ADAMTS9: variants seen among roughly 807,000 people sequenced by gnomAD.
ADAMTS9 encodes A disintegrin and metalloproteinase with thrombospondin motifs 9.
In ADAMTS9, 107 loss-of-function variants were observed where a neutral mutation model predicts 257.1. The observed-to-expected ratio is 0.42, with a 90% CI of 0.36 to 0.49. The LOEUF (loss-of-function observed/expected upper bound fraction) is 0.49. Ranked by LOEUF, ADAMTS9 falls within the 20% of genes least tolerant of loss-of-function variation. ADAMTS9 has a pLI of 0.03. For synonymous variants in ADAMTS9, 982 were observed against 880.9 expected (o/e 1.11, Z -2.03); for missense variants, 2,353 against 2,469.1 (o/e 0.95, Z 1.00).
At chr3:64,632,587 A>T (rs1156645686) in intron 14 of ADAMTS9, among the ~76,000 whole-genome samples, 1 of 152,246 alleles carries the variant, frequency 6.6e-6, no homozygotes, top group Admixed American at 6.5e-5. Flanking sequence ...GCAGCCATGT[A>T]CACTGAACTC....
intron 28 of ADAMTS9, among the ~76,000 whole-genome samples, chr3:64,593,747 T>C (rs2084304198): frequency 6.6e-6 from 1 of 152,142 alleles, no homozygotes; most frequent in African/African-American, 2.4e-5. Context: ...TTTTAAATGA[T>C]TTTAGTCTAT....
intron 14 of ADAMTS9, among the ~76,000 whole-genome samples, chr3:64,632,193 T>C (rs1410248789): frequency 6.6e-6 from 1 of 152,146 alleles, no homozygotes; most frequent in Admixed American, 6.5e-5. Flanking sequence ...GGCATTTTAA[T>C]AGGATTCCTC....
At chr3:64,523,955 T>C (rs758404111) in intron 38 of ADAMTS9, among the ~76,000 whole-genome samples, 7 of 152,214 alleles carry the variant, frequency 4.6e-5, no homozygotes, top group African/African-American at 7.2e-5. Context: ...TGATCATGTT[T>C]CTCAATGGAT....
intron 22 of ADAMTS9, among the ~76,000 whole-genome samples, chr3:64,607,428 G>A (rs1032602004): frequency 2.0e-5 from 3 of 152,148 alleles, no homozygotes; most frequent in African/African-American, 7.2e-5. Context: ...ATAGAGCTCT[G>A]TGACTTTATT....
chr3:64,522,787 C>T (rs573050898), intron 38 of ADAMTS9, among the ~76,000 whole-genome samples: 3 of 151,796 alleles, frequency 2.0e-5, no homozygotes, highest in East Asian at 3.9e-4. Context: ...CCAGTGTATA[C>T]CATTATGACA....
In ADAMTS9 at chr3:64,681,378, AGATGGGAGGTT is replaced by A; in HGVS notation, c.517-26_517-16del. ...AATGTGCCCAGCTGCAAATGAAGAG[AGATGGGAGGTT>A]GATTTAACGTAACTCAGTCATTGGG... On this transcript the variant is annotated splice_polypyrimidine_tract_variant and intron_variant, in intron 2 of 39. Transcript: ENST00000498707. 1 of 1,600,954 alleles carries A rather than the reference AGATGGGAGGTT, an allele frequency of 6.2e-7. No homozygotes were observed. Among genetic ancestry groups the A allele is most frequent in the Non-Finnish European group, 8.5e-7 (1 of 1,174,368 alleles).
chr3:64,611,711 T>C (rs1478064127), intron 22 of ADAMTS9, among the ~76,000 whole-genome samples: 1 of 152,220 alleles, frequency 6.6e-6, no homozygotes, highest in African/African-American at 2.4e-5. Flanking sequence ...GCTGCTGATC[T>C]GACAGGAGGT....
Position 64,644,157 on chromosome 3 carries a change from C to T in ADAMTS9, c.1711-2164G>A, listed in dbSNP as rs114315939. Among the ~76,000 whole-genome samples, 117 of 152,312 alleles carry T rather than the reference C, an allele frequency of 7.7e-4. 1 individual carries two copies. The highest frequency in any genetic ancestry group is 6.8e-3 in the Middle Eastern group (2 of 294). On this transcript the variant is annotated intron_variant, in intron 11 of 39. Coordinates refer to ENST00000498707, the MANE Select transcript of ADAMTS9 (RefSeq NM_182920.2). ...TGGCAATGATAATGGCAAACATGTA[C>T]ACTGCACTTAATATTTGTCAGGCAC...
intron 16 of ADAMTS9, among the ~76,000 whole-genome samples, chr3:64,628,173 T>C (rs7617452): frequency 0.25 from 37,769 of 152,118 alleles, 5,026 homozygotes; most frequent in Non-Finnish European, 0.27. Flanking sequence ...TCAGATTGCC[T>C]GTGCCAGATG....
intron 26 of ADAMTS9, among the ~76,000 whole-genome samples, chr3:64,600,051 CTTT>C (rs35753372): frequency 0.095 from 9,885 of 104,206 alleles, 240 homozygotes; most frequent in African/African-American, 0.14. Flanking sequence ...AGTTTCTGTT[CTTT>C]TTTTTTTTTT....
At chr3:64,681,483 G>C in intron 2 of ADAMTS9, 120 bp from the exon 3 acceptor site, 1 of 1,084,616 alleles carries the variant, frequency 9.2e-7, no homozygotes, top group South Asian at 1.9e-5. Context: ...TTTTCAGGAG[G>C]GTTGTTTCAA....
intron 22 of ADAMTS9, among the ~76,000 whole-genome samples, chr3:64,612,162 C>A (rs1028096825): frequency 6.6e-6 from 1 of 151,956 alleles, no homozygotes; most frequent in Admixed American, 6.6e-5. Flanking sequence ...TTAAATAACA[C>A]CTCCAAAAAA....
intron 22 of ADAMTS9, among the ~76,000 whole-genome samples, chr3:64,608,816 C>T (rs941534490): frequency 8.6e-5 from 13 of 151,458 alleles, no homozygotes; most frequent in African/African-American, 2.2e-4. Flanking sequence ...ACACCATAGC[C>T]GAAGACAACA....
chr3:64,542,517 T>G (rs1289812269), intron 32 of ADAMTS9, among the ~76,000 whole-genome samples: 2 of 149,888 alleles, frequency 1.3e-5, no homozygotes, highest in Non-Finnish European at 2.9e-5. Flanking sequence ...AATCTCCGCC[T>G]CCCAGGTTCA....
intron 3 of ADAMTS9, among the ~76,000 whole-genome samples, chr3:64,667,438 A>T (rs1289566532): frequency 6.6e-6 from 1 of 152,196 alleles, no homozygotes; most frequent in Non-Finnish European, 1.5e-5. Flanking sequence ...AACAAGACGC[A>T]GGTGGGATGT....
At chr3:64,561,373 A>T (rs889278271) in intron 30 of ADAMTS9, 1 of 424,016 alleles carries the variant, frequency 2.4e-6, no homozygotes, top group Non-Finnish European at 4.0e-6. Flanking sequence ...AGGAATACAG[A>T]CAGACGTAGG....
rs557627485 is a variant in ADAMTS9, at chr3:64,650,069, C to T, written c.1464-291G>A. The T allele has an allele frequency of 6.8e-3, 1,966 of 290,428 alleles. 12 individuals are homozygous for T. The highest frequency in any genetic ancestry group is 9.4e-3 in the Non-Finnish European group (1,476 of 157,142). The allele number at this position is 290,428 out of a possible 1,614,324, so 18.0% of individuals were successfully genotyped here. ...TATCTGTTTATGTTTGACTATCTTT[C>T]CCAATAGACTGTAAGCTTTCTAAGG... On this transcript the variant is annotated intron_variant, in intron 9 of 39. Coordinates refer to ENST00000498707, the MANE Select transcript of ADAMTS9 (RefSeq NM_182920.2).
At chr3:64,603,836 T>C in intron 25 of ADAMTS9, 86 bp downstream of exon 25, 2 of 1,426,172 alleles carry the variant, frequency 1.4e-6, no homozygotes, top group Non-Finnish European at 1.9e-6. Flanking sequence ...CATTGACATT[T>C]CCAAGTGGCG....
At chr3:64,558,246 A>G (rs1391700397) in intron 30 of ADAMTS9, among the ~76,000 whole-genome samples, 1 of 152,122 alleles carries the variant, frequency 6.6e-6, no homozygotes. Context: ...CCGGGCTTCA[A>G]ATTCCAGCCA....
Sources: gnomAD v4.1 joint callset for allele counts (sites outside exome capture counted in the v4.1 genomes callset) on GRCh38, gnomAD v4.1.1 for gene constraint, MANE v1.5 for transcripts, NCBI Gene and HGNC (gene_info 2026-07-23, HGNC 2026-07-21) for gene names.